PTPRO: variants seen among roughly 807,000 people sequenced by gnomAD.
PTPRO encodes the protein receptor-type tyrosine-protein phosphatase O.
A neutral mutation model predicts 145.2 loss-of-function variants in PTPRO; 62 were observed. That is an observed-to-expected ratio of 0.43 (90% CI 0.35 to 0.53). The LOEUF (loss-of-function observed/expected upper bound fraction) is 0.53, where lower values mean the gene tolerates loss of function less well. Among genes scored for constraint, PTPRO ranks in the 20% least tolerant of loss-of-function variants. The probability of loss-of-function intolerance (pLI) is 0.01; values close to 1 mark genes in which losing one functional copy is unlikely to be tolerated. For missense variants in PTPRO, 1,345 were observed against 1,482.7 expected, an observed-to-expected ratio of 0.91 and a Z score of 1.53; for synonymous variants, 565 against 514.7, an observed-to-expected ratio of 1.10 and a Z score of -1.32.
At chr12:15,403,483 T>TGAGTCAGGA (rs1171092290) in intron 1 of PTPRO, among the ~76,000 whole-genome samples, 3 of 152,122 alleles carry the variant, frequency 2.0e-5, no homozygotes, top group Admixed American at 2.0e-4. Context: ...CTCTGGAGGC[T>TGAGTCAGGA]GAGTCAGGAG....
At chr12:15,579,987 A>T (rs1209481116) in intron 20 of PTPRO, 52 bp from the exon 21 acceptor site, 20 of 1,453,504 alleles carry the variant, frequency 1.4e-5, no homozygotes, top group Middle Eastern at 1.7e-4. Flanking sequence ...GGCCAAAATA[A>T]TTTTTCCTTC....
At chr12:15,513,218 A>G (rs868221026) in intron 7 of PTPRO, among the ~76,000 whole-genome samples, 4 of 132,714 alleles carry the variant, frequency 3.0e-5, no homozygotes, top group African/African-American at 8.6e-5. Context: ...AGAAAGAAAG[A>G]AAGAAAGAAA....
rs745339233 is a variant in PTPRO at position 15,501,786 on chromosome 12, G to T, written c.828G>T (p.Ser276=). 6.2e-7 allele frequency: 1 copy of T among 1,614,004 alleles called. No homozygotes were observed. Among genetic ancestry groups the T allele is most frequent in the Non-Finnish European group, 8.5e-7 (1 of 1,180,002 alleles). Residue 276 remains serine, a synonymous_variant, in exon 5 of 27, where the codon TCG becomes TCT. Coordinates refer to ENST00000281171, the MANE Select transcript of PTPRO (RefSeq NM_030667.3). ...CAGAAGAAACCCCTGAAATTCCCTC[G>T]GGCAACATTTCTTCCGGTTGGCCTG... ...HFTEETPEIP[S]GNISSGWPDF...
intron 12 of PTPRO, among the ~76,000 whole-genome samples, chr12:15,534,327 G>A (rs746255981): frequency 3.3e-4 from 50 of 152,106 alleles, no homozygotes; most frequent in Non-Finnish European, 5.6e-4. Context: ...GGAATGAGAC[G>A]TGTTGGACAC....
intron 1 of PTPRO, among the ~76,000 whole-genome samples, chr12:15,396,671 GTT>G (rs1231691708): frequency 1.3e-5 from 2 of 152,078 alleles, no homozygotes; most frequent in African/African-American, 4.8e-5. Flanking sequence ...TCTCTATTAA[GTT>G]TTTCATCTAA....
In PTPRO at chr12:15,587,005, C is replaced by T. The variant is rs144710841; in HGVS notation, c.3364C>T (p.Arg1122Ter). 3 of 1,614,014 alleles carry T rather than the reference C, an allele frequency of 1.9e-6. No homozygotes were observed. The highest frequency in any genetic ancestry group is 2.5e-6 in the Non-Finnish European group (3 of 1,179,990). ...TATCCTGCAGTTTGTACACATGGTC[C>T]GACAGCAAGCTACCAAGAGCAAAGG... ...ESILQFVHMV[R>*]QQATKSKGPM... The change falls in exon 24 of 27, where the codon CGA becomes TGA. Residue 1122 changes from arginine (R) to a stop codon, truncating the protein, a stop_gained. Transcript: ENST00000281171. LOFTEE classifies it high-confidence loss of function.
intron 12 of PTPRO, among the ~76,000 whole-genome samples, chr12:15,540,277 T>C (rs1343219999): frequency 6.6e-6 from 1 of 152,212 alleles, no homozygotes; most frequent in East Asian, 1.9e-4. Flanking sequence ...ATAGAGTTGC[T>C]TGAGTTGAGG....
intron 1 of PTPRO, chr12:15,439,735 G>T: frequency 1.8e-6 from 1 of 545,040 alleles, no homozygotes; most frequent in Non-Finnish European, 3.5e-6. Context: ...TCCTAGTCAA[G>T]GACATGAAGA....
intron 1 of PTPRO, among the ~76,000 whole-genome samples, chr12:15,333,946 C>G (rs1866683311): frequency 6.6e-6 from 1 of 152,082 alleles, no homozygotes; most frequent in Non-Finnish European, 1.5e-5. Flanking sequence ...TTGACTGTGC[C>G]TATAATTTAC....
chr12:15,341,875 C>T (rs1456415373), intron 1 of PTPRO, among the ~76,000 whole-genome samples: 1 of 152,232 alleles, frequency 6.6e-6, no homozygotes. Context: ...AGTCACTTCA[C>T]CTCTCTGTAA....
intron 1 of PTPRO, among the ~76,000 whole-genome samples, chr12:15,401,236 T>C (rs1229780890): frequency 6.6e-6 from 1 of 152,196 alleles, no homozygotes; most frequent in African/African-American, 2.4e-5. Context: ...AGCCAGAAGT[T>C]AAATACTCCA....
intron 4 of PTPRO, 131 bp from the exon 5 acceptor site, chr12:15,501,489 G>T (rs1942220334): frequency 3.6e-6 from 3 of 825,366 alleles, no homozygotes; most frequent in Non-Finnish European, 5.8e-6. Flanking sequence ...ATGTAAATTT[G>T]TCTGTGTATC....
chr12:15,550,314 A>T (rs186100766), intron 14 of PTPRO, among the ~76,000 whole-genome samples: 1 of 152,226 alleles, frequency 6.6e-6, no homozygotes, highest in African/African-American at 2.4e-5. Flanking sequence ...GTGGAAGCAG[A>T]TCTTCATAAA....
intron 17 of PTPRO, among the ~76,000 whole-genome samples, chr12:15,565,060 A>G (rs1375643529): frequency 6.6e-6 from 1 of 152,212 alleles, no homozygotes; most frequent in Non-Finnish European, 1.5e-5. Flanking sequence ...AATTAGTTCA[A>G]GATGGAATAA....
chr12:15,546,757 A>G, intron 13 of PTPRO, 49 bp downstream of exon 13: 1 of 1,603,618 alleles, frequency 6.2e-7, no homozygotes, highest in Non-Finnish European at 8.5e-7. Context: ...AAGTAAGGCT[A>G]ATTATCTGGG....
intron 9 of PTPRO, 191 bp downstream of exon 9, chr12:15,517,147 T>C (rs578110925): frequency 1.3e-4 from 88 of 665,076 alleles, no homozygotes; most frequent in Non-Finnish European, 1.7e-4. Flanking sequence ...AGAAGTTTAA[T>C]TGGACTTACA....
At chr12:15,414,197 G>A (rs901823489) in intron 1 of PTPRO, among the ~76,000 whole-genome samples, 29 of 152,304 alleles carry the variant, frequency 1.9e-4, no homozygotes, top group African/African-American at 5.8e-4. Context: ...TCCTGTTTGC[G>A]TTAGAGGAGT....
At chr12:15,437,423 G>C (rs1016280118) in intron 1 of PTPRO, among the ~76,000 whole-genome samples, 1 of 150,480 alleles carries the variant, frequency 6.6e-6, no homozygotes, top group African/African-American at 2.4e-5. Context: ...ACTGTCCAAA[G>C]ATCTTGGTGC....
chr12:15,399,276 CA>C (rs2136296813), intron 1 of PTPRO, among the ~76,000 whole-genome samples: 1 of 152,338 alleles, frequency 6.6e-6, no homozygotes, highest in East Asian at 1.9e-4. Flanking sequence ...GAGCTTTTTA[CA>C]TATATTAACA....
Sources: gnomAD v4.1 joint callset for allele counts (sites outside exome capture counted in the v4.1 genomes callset) on GRCh38, gnomAD v4.1.1 for gene constraint, MANE v1.5 for transcripts, NCBI Gene and HGNC (gene_info 2026-07-23, HGNC 2026-07-21) for gene names.